Variants in BLNK observed in about 807,000 individuals in gnomAD.
BLNK encodes the protein B cell linker.
In BLNK, 29 loss-of-function variants were observed where a neutral mutation model predicts 73.5. That is an observed-to-expected ratio of 0.39 (90% confidence interval 0.29 to 0.54). The LOEUF (loss-of-function observed/expected upper bound fraction) is 0.54, where lower values mean the gene tolerates loss of function less well. Ranked by LOEUF, BLNK falls within the 20% of genes least tolerant of loss-of-function variation. BLNK has a pLI of 0.61. For missense variants in BLNK, 460 were observed against 562.8 expected (o/e 0.82, Z 1.85); for synonymous variants, 176 against 200.8 (o/e 0.88, Z 1.04).
intron 3 of BLNK, 100 bp from the exon 4 acceptor site, chr10:96,230,934 G>T: frequency 8.0e-7 from 1 of 1,256,606 alleles, no homozygotes; most frequent in Non-Finnish European, 1.1e-6. Context: ...CCTTCCCTTT[G>T]GGCTTTCTGG....
Position 96,191,710 on chromosome 10 carries a change from A to G in BLNK, c.*263T>C, listed in dbSNP as rs1398645056. ...AATATACTTTACACTTATTTTTAAAAATAAAAATATTTATTTGGAAAATAT... is the reference window on the plus strand; with the variant it reads ...AATATACTTTACACTTATTTTTAAAGATAAAAATATTTATTTGGAAAATAT... On this transcript the variant is annotated 3_prime_UTR_variant, in exon 17 of 17. Transcript: ENST00000224337. 14 of 325,824 alleles carry G rather than the reference A, an allele frequency of 4.3e-5. No individual in the cohort carries two copies. The highest frequency in any genetic ancestry group is 2.3e-5 in the Non-Finnish European group (4 of 175,424). The allele number at this position is 325,824 out of a possible 1,614,324, so 20.2% of individuals were successfully genotyped here.
intron 16 of BLNK, 113 bp downstream of exon 16, chr10:96,196,795 T>G (rs2133930850): frequency 9.6e-7 from 1 of 1,045,772 alleles, no homozygotes; most frequent in East Asian, 2.5e-5. Flanking sequence ...ATGCAAGCAT[T>G]AGAACAAGTA....
intron 16 of BLNK, among the ~76,000 whole-genome samples, chr10:96,193,739 A>C (rs888321180): frequency 4.6e-5 from 7 of 152,240 alleles, no homozygotes; most frequent in African/African-American, 1.2e-4. Context: ...CTGTAAAATT[A>C]CTCAATGTTG....
chr10:96,192,154 C>T, intron 16 of BLNK, 62 bp from the exon 17 acceptor site: 1 of 1,596,562 alleles, frequency 6.3e-7, no homozygotes. Flanking sequence ...GAGCTCCACT[C>T]CTCCCATCTT....
chr10:96,232,643 G>A (rs781958296), intron 3 of BLNK, among the ~76,000 whole-genome samples: 3 of 152,184 alleles, frequency 2.0e-5, no homozygotes, highest in Non-Finnish European at 4.4e-5. Flanking sequence ...GTCACACTTT[G>A]ACGTGAACAG....
chr10:96,205,147 T>A (rs587746459), intron 11 of BLNK: 1 of 160,450 alleles, frequency 6.2e-6, no homozygotes, highest in Admixed American at 5.9e-5. Flanking sequence ...ATAATGTAAA[T>A]CTCACTTGCA....
chr10:96,206,419 A>G (rs949737960), intron 11 of BLNK, among the ~76,000 whole-genome samples: 39 of 152,056 alleles, frequency 2.6e-4, no homozygotes, highest in African/African-American at 8.7e-4. Flanking sequence ...AGTGATGATA[A>G]AGGAAGAAAT....
chr10:96,260,905 G>A (rs1843728831), intron 1 of BLNK, among the ~76,000 whole-genome samples: 1 of 151,504 alleles, frequency 6.6e-6, no homozygotes, highest in South Asian at 2.1e-4. Flanking sequence ...GTATAGTGGC[G>A]TTATCTCGGC....
At chr10:96,201,141 G>A in intron 13 of BLNK, 83 bp from the exon 14 acceptor site, 1 of 1,245,018 alleles carries the variant, frequency 8.0e-7, no homozygotes. Context: ...ACTGTACTAG[G>A]TGCTGCCAGG....
chr10:96,219,004 T>C (rs587659613), intron 6 of BLNK, among the ~76,000 whole-genome samples: 73 of 152,260 alleles, frequency 4.8e-4, no homozygotes, highest in Non-Finnish European at 8.2e-4. Flanking sequence ...GTATGACCTG[T>C]GGGGGAGTTA....
intron 15 of BLNK, among the ~76,000 whole-genome samples, chr10:96,199,791 C>T (rs1199304312): frequency 1.3e-5 from 2 of 151,986 alleles, no homozygotes; most frequent in African/African-American, 4.8e-5. Context: ...AGGCCAAGGC[C>T]GCCAGGCAGA....
chr10:96,211,277 A>G (rs1416321302), intron 8 of BLNK, among the ~76,000 whole-genome samples: 1 of 152,182 alleles, frequency 6.6e-6, no homozygotes, highest in South Asian at 2.1e-4. Context: ...ACACATTGAA[A>G]TAATAATCCA....
rs147908081 is a variant in BLNK, at chr10:96,223,965, G to T, written c.386C>A (p.Ser129Tyr). 6.2e-7 allele frequency: 1 copy of T among 1,613,056 alleles called. No individual in the cohort carries two copies. Among genetic ancestry groups the T allele is most frequent in the African/African-American group, 1.3e-5 (1 of 74,984 alleles). The stretch of plus-strand genomic sequence containing the variant: ...GGGAAGTGTCTTGCTGAAGGGTGGG[G>T]AATGCCTCTGGCTTGATCGATTGTC... ...YIDNRSSQRHSPPFSKTLPSK... is the reference protein window; with the variant it reads ...YIDNRSSQRHYPPFSKTLPSK... Residue 129 changes from serine to tyrosine, a missense_variant, in exon 6 of 17, where the codon TCC becomes TAC. Ser to Tyr is a moderately radical substitution (Grantham distance 144). This residue lies in a region of BLNK where 139 missense variants were observed against 187.3 expected (regional missense o/e 0.74). Transcript: ENST00000224337.
At chr10:96,197,253 C>T (rs968248693) in intron 15 of BLNK, among the ~76,000 whole-genome samples, 190 bp from the exon 16 acceptor site, 3 of 152,040 alleles carry the variant, frequency 2.0e-5, no homozygotes, top group Non-Finnish European at 4.4e-5. Flanking sequence ...AATATATACT[C>T]ATAGAAAATC....
At chr10:96,265,481 A>G (rs1184854415) in intron 1 of BLNK, among the ~76,000 whole-genome samples, 1 of 152,202 alleles carries the variant, frequency 6.6e-6, no homozygotes, top group Non-Finnish European at 1.5e-5. Flanking sequence ...TTTTCTACCC[A>G]GGAGAGAGCA....
Position 96,255,168 on chromosome 10 carries a change from C to A in BLNK, c.48-8119G>T, listed in dbSNP as rs555970604. ...AAGGGTATCTGCAGACTGAGAACAG[C>A]CCCAGGCACATAGAAGGATAAACAA... is the stretch of plus-strand genomic sequence containing the variant. On this transcript the variant is annotated intron_variant, in intron 1 of 16. Transcript: ENST00000224337. Among the ~76,000 whole-genome samples the A allele has an allele frequency of 2.0e-5, 3 of 152,204 alleles. No individual in the cohort carries two copies. In the South Asian group the frequency reaches 6.2e-4, roughly 32 times the overall value.
intron 16 of BLNK, among the ~76,000 whole-genome samples, 155 bp from the exon 17 acceptor site, chr10:96,192,247 C>T (rs587632163): frequency 4.6e-5 from 7 of 152,304 alleles, no homozygotes. Context: ...AGGCTGTAAC[C>T]TTCAAGGTGG....
chr10:96,240,301 T>A (rs1842842840), intron 3 of BLNK, among the ~76,000 whole-genome samples: 1 of 152,182 alleles, frequency 6.6e-6, no homozygotes. Context: ...AATCAGAAAA[T>A]GTGCGAAACA....
chr10:96,202,278 A>T (rs1308063342), intron 13 of BLNK, among the ~76,000 whole-genome samples: 1 of 152,304 alleles, frequency 6.6e-6, no homozygotes, highest in East Asian at 1.9e-4. Context: ...TAACAGGGTC[A>T]TTCCAGCTGC....
Sources: allele counts gnomAD v4.1 joint callset (sites outside exome capture counted in the v4.1 genomes callset), GRCh38; gene constraint gnomAD v4.1.1; regional missense constraint gnomAD v4.1.1; transcripts MANE v1.5; gene names NCBI Gene and HGNC (gene_info 2026-07-23, HGNC 2026-07-21).